The following SORCS2 variants were observed in gnomAD, a reference collection of about 807,000 sequenced individuals.
SORCS2 encodes VPS10 domain-containing receptor SorCS2.
Under a neutral mutation model 141.6 loss-of-function variants are expected in SORCS2, and 100 were observed. The ratio of observed to expected loss-of-function variants is 0.71; its 90% CI spans 0.60 to 0.83. The LOEUF (loss-of-function observed/expected upper bound fraction) is 0.83, where lower values mean the gene tolerates loss of function less well. SORCS2 is among the 40% of genes least tolerant of loss of function. SORCS2 has a pLI of 0.00. For synonymous variants in SORCS2, 789 were observed against 676.9 expected, an observed-to-expected ratio of 1.17 and a Z score of -2.57; for missense variants, 1,646 against 1,560.2, an observed-to-expected ratio of 1.05 and a Z score of -0.93.
At chr4:7,282,981 A>C (rs1350068660) in intron 1 of SORCS2, among the ~76,000 whole-genome samples, 1 of 152,180 alleles carries the variant, frequency 6.6e-6, no homozygotes, top group Admixed American at 6.5e-5. Context: ...TCACTCATTC[A>C]TTCATTCATT....
intron 1 of SORCS2, among the ~76,000 whole-genome samples, chr4:7,301,952 A>G (rs570451004): frequency 6.6e-6 from 1 of 152,226 alleles, no homozygotes; most frequent in African/African-American, 2.4e-5. Flanking sequence ...CTGCACTCCT[A>G]CATCCTCTAT....
chr4:7,719,874 G>C (rs2109053286), intron 18 of SORCS2, among the ~76,000 whole-genome samples: 1 of 152,340 alleles, frequency 6.6e-6, no homozygotes, highest in African/African-American at 2.4e-5. Flanking sequence ...GCAGGAGCTG[G>C]AGTTGGCGGA....
chr4:7,691,776 T>C (rs894960420), intron 11 of SORCS2, among the ~76,000 whole-genome samples: 1 of 152,106 alleles, frequency 6.6e-6, no homozygotes, highest in African/African-American at 2.4e-5. Context: ...ATGCACTGTC[T>C]TGATTCGCTG....
chr4:7,621,447 GTGTC>G (rs1719174232), intron 3 of SORCS2, among the ~76,000 whole-genome samples: 1 of 150,838 alleles, frequency 6.6e-6, no homozygotes, highest in African/African-American at 2.5e-5. Context: ...GTCTATGTGT[GTGTC>G]TGTGTGAGTG....
chr4:7,590,131 G>A (rs763864499), intron 3 of SORCS2, among the ~76,000 whole-genome samples: 5 of 152,168 alleles, frequency 3.3e-5, no homozygotes, highest in African/African-American at 7.2e-5. Flanking sequence ...CATTCTGGCC[G>A]CACAGACACC....
intron 5 of SORCS2, among the ~76,000 whole-genome samples, chr4:7,656,056 G>C (rs945527019): frequency 1.3e-5 from 2 of 152,220 alleles, no homozygotes; most frequent in Non-Finnish European, 2.9e-5. Context: ...GACAGCGGTG[G>C]GGATATCTCC....
Position 7,371,110 on chromosome 4 carries a change from A to T in SORCS2, c.481-25178A>T, listed in dbSNP as rs562000950. Among the ~76,000 whole-genome samples the T allele has an allele frequency of 2.0e-4, 31 of 152,304 alleles. No individual in the cohort carries two copies. The East Asian group carries it at 5.8e-3, about 28-fold the overall frequency. ...CAGGTCTCTGTAGAGTGAAGGGAGC[A>T]CTTCACATGGAGAGTTGGGGCACAG... is the stretch of plus-strand genomic sequence containing the variant. On this transcript the variant is annotated intron_variant, in intron 1 of 26. Transcript: ENST00000507866.
intron 2 of SORCS2, among the ~76,000 whole-genome samples, chr4:7,466,971 A>C (rs1310953619): frequency 1.3e-5 from 2 of 152,022 alleles, no homozygotes; most frequent in Admixed American, 1.3e-4. Context: ...GCTTGTATGT[A>C]TGCAGGTGGC....
intron 8 of SORCS2, among the ~76,000 whole-genome samples, chr4:7,667,973 C>T (rs1200514030): frequency 1.3e-5 from 2 of 152,210 alleles, no homozygotes; most frequent in Non-Finnish European, 2.9e-5. Context: ...TGCCACACCT[C>T]CCTCGTGAGG....
intron 2 of SORCS2, among the ~76,000 whole-genome samples, chr4:7,427,398 G>C (rs1224414932): frequency 1.3e-5 from 2 of 152,178 alleles, no homozygotes; most frequent in Non-Finnish European, 2.9e-5. Context: ...GGAAAGAGAG[G>C]GGGGCCAACT....
intron 1 of SORCS2, among the ~76,000 whole-genome samples, chr4:7,299,484 T>C (rs1225455355): frequency 6.6e-6 from 1 of 152,338 alleles, no homozygotes; most frequent in Non-Finnish European, 1.5e-5. Context: ...AAAGAACAGC[T>C]GGAGATATCT....
chr4:7,649,310 G>T (rs1312485598), intron 4 of SORCS2, among the ~76,000 whole-genome samples: 1 of 150,856 alleles, frequency 6.6e-6, no homozygotes, highest in Non-Finnish European at 1.5e-5. Flanking sequence ...GTGGGGGCAT[G>T]CAGGGAGTGA....
chr4:7,419,615 T>C (rs759091404), intron 2 of SORCS2, among the ~76,000 whole-genome samples: 4 of 152,260 alleles, frequency 2.6e-5, no homozygotes, highest in Non-Finnish European at 5.9e-5. Flanking sequence ...GCTCATCAGT[T>C]TCTCACTTTT....
At chr4:7,276,958 C>G (rs1715539986) in intron 1 of SORCS2, among the ~76,000 whole-genome samples, 2 of 152,300 alleles carry the variant, frequency 1.3e-5, no homozygotes, top group South Asian at 4.1e-4. Context: ...ATCTCATGAC[C>G]AGTGGGCCGT....
chr4:7,619,863 C>T (rs1560431216), intron 3 of SORCS2, among the ~76,000 whole-genome samples: 2 of 152,274 alleles, frequency 1.3e-5, no homozygotes, highest in African/African-American at 2.4e-5. Context: ...GCGTGTGTGA[C>T]GTGAAACGCC....
chr4:7,602,896 T>C (rs1717824590), intron 3 of SORCS2, among the ~76,000 whole-genome samples: 1 of 152,168 alleles, frequency 6.6e-6, no homozygotes. Context: ...CGAGACTCCG[T>C]CTGCAATCCC....
rs1217398896 is a variant in SORCS2 at position 7,448,277 on chromosome 4, A to C, written c.548+51922A>C. Among the ~76,000 whole-genome samples, 8 of 152,196 alleles carry C rather than the reference A, an allele frequency of 5.3e-5. No individual in the cohort carries two copies. The East Asian group carries it at 1.4e-3, about 26-fold the overall frequency. The stretch of plus-strand genomic sequence containing the variant: ...CGGCGCAGGGCAAGGGGCATCTCCC[A>C]CGTCACCCAGTGTGGCCAAGGCGTG... On this transcript the variant is annotated intron_variant, in intron 2 of 26. Coordinates refer to ENST00000507866, the MANE Select transcript of SORCS2 (RefSeq NM_020777.3).
intron 3 of SORCS2, among the ~76,000 whole-genome samples, chr4:7,637,295 C>A (rs765009855): frequency 7.0e-6 from 1 of 142,344 alleles, no homozygotes; most frequent in Non-Finnish European, 1.5e-5. Context: ...CCTGCTCAGT[C>A]CCCTACATCA....
At chr4:7,436,352 C>T (rs1027590517) in intron 2 of SORCS2, among the ~76,000 whole-genome samples, 2 of 152,234 alleles carry the variant, frequency 1.3e-5, no homozygotes, top group Non-Finnish European at 2.9e-5. Context: ...CCTGACATTC[C>T]CAGGGCACCC....
Sources: gnomAD v4.1 joint callset for allele counts (sites outside exome capture counted in the v4.1 genomes callset) on GRCh38, gnomAD v4.1.1 for gene constraint, MANE v1.5 for transcripts, NCBI Gene and HGNC (gene_info 2026-07-23, HGNC 2026-07-21) for gene names.